The following RGS6 variants were observed in gnomAD, a reference collection of about 807,000 sequenced individuals.
RGS6 encodes the protein regulator of G-protein signaling 6.
A neutral mutation model predicts 78.5 loss-of-function variants in RGS6; 30 were observed. That is an observed-to-expected ratio of 0.38 (90% CI 0.29 to 0.52). The LOEUF is 0.52. Ranked by LOEUF, RGS6 falls within the 20% of genes least tolerant of loss-of-function variation. RGS6 has a pLI of 0.85. For synonymous variants in RGS6, 206 were observed against 206.0 expected (o/e 1.00, Z 0.00); for missense variants, 495 against 609.7 (o/e 0.81, Z 1.98).
chr14:72,163,882 C>CAAAAAAA (rs35453428), intron 2 of RGS6, among the ~76,000 whole-genome samples: 1 of 124,682 alleles, frequency 8.0e-6, no homozygotes. Flanking sequence ...GACTCCATCT[C>CAAAAAAA]AAAAAAAAAA....
intron 2 of RGS6, among the ~76,000 whole-genome samples, chr14:72,071,983 A>G (rs1481536527): frequency 1.3e-5 from 2 of 152,210 alleles, no homozygotes; most frequent in Admixed American, 6.5e-5. Context: ...CTCTGTAACA[A>G]TCAGGTGTAA....
At chr14:72,347,722 T>A (rs961778567) in intron 2 of RGS6, among the ~76,000 whole-genome samples, 2 of 152,140 alleles carry the variant, frequency 1.3e-5, no homozygotes, top group Non-Finnish European at 2.9e-5. Flanking sequence ...GCCTGCAAAA[T>A]GTTTTGAATG....
rs148964676 is a variant in RGS6, at chr14:72,518,123, G to A, written c.1092-228G>A. 6.2e-3 allele frequency among the ~76,000 whole-genome samples: 937 copies of A among 152,320 alleles called. 12 individuals carry two copies. The highest frequency in any genetic ancestry group is 0.02 in the African/African-American group (819 of 41,564). ...AGGAGAGAAATCCCGTTCTGATAAC[G>A]AGAAGCACATTGATCTTTTAATATG... On this transcript the variant is annotated intron_variant, in intron 14 of 17. Transcript: ENST00000553525.
At chr14:72,510,399 T>A in intron 14 of RGS6, 120 bp downstream of exon 14, 1 of 1,296,888 alleles carries the variant, frequency 7.7e-7, no homozygotes, top group Non-Finnish European at 1.1e-6. Flanking sequence ...AAATGCCAGC[T>A]AATCTGGCTG....
At chr14:72,185,278 C>T (rs2097224257) in intron 2 of RGS6, among the ~76,000 whole-genome samples, 1 of 152,062 alleles carries the variant, frequency 6.6e-6, no homozygotes, top group Non-Finnish European at 1.5e-5. Context: ...ATGTTAATCT[C>T]CTTTGGCAAG....
rs533426440 is a variant in RGS6, at chr14:72,159,111, C to T, written c.85-192984C>T. 2.6e-4 allele frequency among the ~76,000 whole-genome samples: 39 copies of T among 152,278 alleles called. 1 individual carries two copies. The highest frequency in any genetic ancestry group is 1.0e-3 in the Admixed American group (16 of 15,290). On this transcript the variant is annotated intron_variant, in intron 2 of 17. Transcript: ENST00000553525. ...TGTTGTTAAACTATTTAACAAACTA[C>T]GAAGCACATTCCTATCTGCTTTCTT...
chr14:72,555,875 G>GTAAC (rs1182698071), intron 17 of RGS6, among the ~76,000 whole-genome samples: 4 of 152,212 alleles, frequency 2.6e-5, no homozygotes, highest in East Asian at 1.9e-4. Flanking sequence ...CTGTTTGTTA[G>GTAAC]TAACTGTCCT....
chr14:72,195,265 G>A (rs936242664), intron 2 of RGS6, among the ~76,000 whole-genome samples: 1 of 152,018 alleles, frequency 6.6e-6, no homozygotes, highest in African/African-American at 2.4e-5. Flanking sequence ...GGAGGTTAGG[G>A]TGGGGTAAAC....
the RGS6 span, among the ~76,000 whole-genome samples, chr14:72,629,169 T>C: frequency 6.6e-6 from 1 of 152,198 alleles, no homozygotes; most frequent in Non-Finnish European, 1.5e-5. Flanking sequence ...TTGAGATACA[T>C]ATGAAGTAGT....
At chr14:72,505,152 T>C (rs1201560660) in intron 13 of RGS6, among the ~76,000 whole-genome samples, 1 of 152,140 alleles carries the variant, frequency 6.6e-6, no homozygotes, top group Non-Finnish European at 1.5e-5. Flanking sequence ...CGTTCACATT[T>C]TTAGTTGTTC....
At chr14:72,340,249 G>A (rs1166409317) in intron 2 of RGS6, among the ~76,000 whole-genome samples, 1 of 152,166 alleles carries the variant, frequency 6.6e-6, no homozygotes, top group Non-Finnish European at 1.5e-5. Flanking sequence ...GCTCTCATGT[G>A]CTCACTGGAG....
intron 7 of RGS6, among the ~76,000 whole-genome samples, chr14:72,468,530 C>G (rs1281748776): frequency 6.6e-6 from 1 of 152,102 alleles, no homozygotes; most frequent in Non-Finnish European, 1.5e-5. Context: ...AACAAAAATT[C>G]AAACAGCAAA....
At chr14:72,601,227 A>G in the RGS6 span, among the ~76,000 whole-genome samples, 1 of 152,134 alleles carries the variant, frequency 6.6e-6, no homozygotes, top group Non-Finnish European at 1.5e-5. Flanking sequence ...CACCCTTAGC[A>G]TTAACCTTGG....
At chr14:72,428,653 A>T (rs900058339) in intron 3 of RGS6, among the ~76,000 whole-genome samples, 1 of 152,058 alleles carries the variant, frequency 6.6e-6, no homozygotes, top group African/African-American at 2.4e-5. Flanking sequence ...CTCTGGTTCG[A>T]CTCCATGTAA....
rs8020134 is a variant in RGS6, at chr14:72,562,999, T to C, written c.*532T>C. 140,184 of 573,642 alleles carry C rather than the reference T, an allele frequency of 0.24. 20,961 individuals carry two copies. Among genetic ancestry groups the C allele is most frequent in the African/African-American group, 0.57 (30,355 of 53,348 alleles). 35.5% of individuals were successfully genotyped at this position (573,642 alleles called of 1,614,324 possible). A position where few individuals can be genotyped will look rare whatever the true frequency, so the allele number is the denominator to read the frequency against. ...GTCTCTGTGGCCACCCGGGTGTCAC[T>C]GCCAGCACCAGGCACTGCTTTCACG... On this transcript the variant is annotated 3_prime_UTR_variant, in exon 18 of 18. Transcript: ENST00000553525.
At position 72,280,096 on chromosome 14, in the gene RGS6, T is replaced by C. The variant is rs558702816; in HGVS notation, c.85-71999T>C. Among the ~76,000 whole-genome samples the C allele has an allele frequency of 4.6e-5, 7 of 152,242 alleles. 1 individual carries two copies. The South Asian group carries it at 6.2e-4, about 14-fold the overall frequency. ...GGAGGCAGGGGTTGTGAAGTCAGCA[T>C]GGTCCCCACCGCCACGCCCCCACCC... On this transcript the variant is annotated intron_variant, in intron 2 of 17. Coordinates refer to ENST00000553525, the MANE Select transcript of RGS6 (RefSeq NM_001204424.2).
chr14:72,596,728 T>C, the RGS6 span, among the ~76,000 whole-genome samples: 2 of 152,206 alleles, frequency 1.3e-5, no homozygotes, highest in African/African-American at 4.8e-5. Flanking sequence ...TGCCAAACAC[T>C]CTGATAAGCA....
intron 2 of RGS6, among the ~76,000 whole-genome samples, chr14:72,333,493 G>T: frequency 6.6e-6 from 1 of 152,316 alleles, no homozygotes; most frequent in East Asian, 1.9e-4. Flanking sequence ...ACTCCAGGCA[G>T]CTCTCTGGCC....
chr14:72,473,313 A>G (rs376746907), intron 9 of RGS6, among the ~76,000 whole-genome samples: 59 of 152,282 alleles, frequency 3.9e-4, no homozygotes, highest in South Asian at 1.4e-3. Flanking sequence ...GCGTGGTGGC[A>G]GGCACCTGTA....
Sources: allele counts gnomAD v4.1 joint callset (sites outside exome capture counted in the v4.1 genomes callset), GRCh38; gene constraint gnomAD v4.1.1; transcripts MANE v1.5; gene names NCBI Gene and HGNC (gene_info 2026-07-23, HGNC 2026-07-21).